AGBL4: variants seen among roughly 807,000 people sequenced by gnomAD.
AGBL4 encodes the protein AGBL carboxypeptidase 4.
Under a neutral mutation model 66.4 loss-of-function variants are expected in AGBL4, and 58 were observed. That is an observed-to-expected ratio of 0.87 (90% CI 0.71 to 1.09). AGBL4 has a LOEUF of 1.09. AGBL4 is among the 50% of genes least tolerant of loss of function. AGBL4 has a pLI of 0.00. For synonymous variants in AGBL4, 234 were observed against 222.9 expected (o/e 1.05, Z -0.44); for missense variants, 579 against 631.0 (o/e 0.92, Z 0.88).
chr1:48,886,969 CA>C (rs35138053), intron 5 of AGBL4, among the ~76,000 whole-genome samples: 1 of 152,060 alleles, frequency 6.6e-6, no homozygotes, highest in East Asian at 1.9e-4. Flanking sequence ...TGTGAGAAGC[CA>C]AAAGGGTGCT....
At chr1:49,618,545 G>A (rs1645295344) in intron 3 of AGBL4, among the ~76,000 whole-genome samples, 1 of 152,182 alleles carries the variant, frequency 6.6e-6, no homozygotes, top group South Asian at 2.1e-4. Context: ...GGTACAAAGA[G>A]GAGGTGGTAC....
intron 6 of AGBL4, among the ~76,000 whole-genome samples, chr1:48,806,215 C>T (rs1447016886): frequency 6.6e-6 from 1 of 152,110 alleles, no homozygotes; most frequent in East Asian, 1.9e-4. Context: ...AATGCAAATC[C>T]TTGGACTCTT....
intron 3 of AGBL4, among the ~76,000 whole-genome samples, chr1:49,413,334 T>C (rs1645355827): frequency 6.6e-6 from 1 of 152,210 alleles, no homozygotes; most frequent in African/African-American, 2.4e-5. Flanking sequence ...GGTGTGACCT[T>C]GACCTCAAGG....
chr1:49,481,984 C>G (rs542121134), intron 3 of AGBL4, among the ~76,000 whole-genome samples: 2 of 150,030 alleles, frequency 1.3e-5, no homozygotes, highest in Admixed American at 1.3e-4. Flanking sequence ...CCTACTAGAT[C>G]GTGATGGATA....
chr1:48,944,434 G>T (rs1460056667), intron 5 of AGBL4, among the ~76,000 whole-genome samples: 1 of 152,132 alleles, frequency 6.6e-6, no homozygotes, highest in Non-Finnish European at 1.5e-5. Context: ...GAAGTGTTCA[G>T]ATTCTACTTC....
At chr1:49,737,709 GTA>G (rs1650016399) in intron 2 of AGBL4, among the ~76,000 whole-genome samples, 1 of 152,184 alleles carries the variant, frequency 6.6e-6, no homozygotes, top group Admixed American at 6.5e-5. Context: ...CAAAATCCTA[GTA>G]ATTCCTTATC....
chr1:49,155,304 GC>G (rs1646409753), intron 4 of AGBL4, among the ~76,000 whole-genome samples: 1 of 152,104 alleles, frequency 6.6e-6, no homozygotes, highest in South Asian at 2.1e-4. Flanking sequence ...TAAAACCCAA[GC>G]TCTTTCCTCT....
chr1:49,939,305 C>T (rs1417384069), intron 1 of AGBL4, among the ~76,000 whole-genome samples: 6 of 151,326 alleles, frequency 4.0e-5, no homozygotes, highest in Non-Finnish European at 8.9e-5. Context: ...TCAATGCCAT[C>T]CCCATCAAGC....
chr1:49,918,810 T>C (rs1042316248), intron 1 of AGBL4, among the ~76,000 whole-genome samples: 1 of 152,202 alleles, frequency 6.6e-6, no homozygotes, highest in African/African-American at 2.4e-5. Flanking sequence ...ATATCCTTGA[T>C]GAACATCGAT....
intron 11 of AGBL4, among the ~76,000 whole-genome samples, chr1:48,553,651 CTG>C: frequency 6.6e-6 from 1 of 152,192 alleles, no homozygotes; most frequent in East Asian, 1.9e-4. Flanking sequence ...TACTGACAAA[CTG>C]TGTAAATTTT....
At chr1:49,077,341 T>C (rs2147948518) in intron 4 of AGBL4, among the ~76,000 whole-genome samples, 1 of 152,308 alleles carries the variant, frequency 6.6e-6, no homozygotes, top group East Asian at 1.9e-4. Context: ...CTGATTTAAA[T>C]AACCAAAGAT....
chr1:49,974,897 T>C (rs1658431738), intron 1 of AGBL4, among the ~76,000 whole-genome samples: 1 of 152,152 alleles, frequency 6.6e-6, no homozygotes, highest in Non-Finnish European at 1.5e-5. Flanking sequence ...AAGAATGAAA[T>C]TCACAAAACC....
At chr1:49,681,646 A>G (rs1646695291) in intron 3 of AGBL4, among the ~76,000 whole-genome samples, 1 of 152,168 alleles carries the variant, frequency 6.6e-6, no homozygotes, top group Admixed American at 6.5e-5. Flanking sequence ...TACTAGGAAA[A>G]CTAGGGAAAA....
intron 6 of AGBL4, among the ~76,000 whole-genome samples, chr1:48,789,504 T>C (rs546110803): frequency 2.1e-3 from 319 of 152,208 alleles, no homozygotes; most frequent in Non-Finnish European, 3.3e-3. Flanking sequence ...TTAGCCAGGA[T>C]GGTCTTGATC....
At chr1:49,811,410 G>C (rs1301879605) in intron 2 of AGBL4, among the ~76,000 whole-genome samples, 1 of 152,052 alleles carries the variant, frequency 6.6e-6, no homozygotes, top group Non-Finnish European at 1.5e-5. Flanking sequence ...TTCTATGAAA[G>C]AGAATGGCTT....
Position 49,961,440 on chromosome 1 carries a change from G to A in AGBL4, c.34+62323C>T, listed in dbSNP as rs1377742622. Among the ~76,000 whole-genome samples, 5 of 152,066 alleles carry A rather than the reference G, an allele frequency of 3.3e-5. No individual in the cohort carries two copies. In the East Asian group the frequency reaches 7.7e-4, roughly 24 times the overall value. On this transcript the variant is annotated intron_variant, in intron 1 of 13. Transcript: ENST00000371839. The stretch of plus-strand genomic sequence containing the variant: ...CATCACTTTGAGCCCAGGATTTAGA[G>A]GCTGCAGTAAGCTATGATCATGCCA...
chr1:49,914,623 C>A (rs1433886244), intron 1 of AGBL4, among the ~76,000 whole-genome samples: 1 of 152,156 alleles, frequency 6.6e-6, no homozygotes, highest in African/African-American at 2.4e-5. Context: ...TTCTTTGAGC[C>A]TCTATCTATT....
intron 2 of AGBL4, among the ~76,000 whole-genome samples, chr1:49,776,143 G>A (rs1644191101): frequency 6.6e-6 from 1 of 152,054 alleles, no homozygotes; most frequent in Non-Finnish European, 1.5e-5. Flanking sequence ...TCTGGTGGAA[G>A]CTTAGAAAAA....
At chr1:48,896,192 C>A (rs1423514884) in intron 5 of AGBL4, among the ~76,000 whole-genome samples, 1 of 152,172 alleles carries the variant, frequency 6.6e-6, no homozygotes, top group Non-Finnish European at 1.5e-5. Flanking sequence ...AAATCATATT[C>A]CACACAGGTA....
Sources: allele counts gnomAD v4.1 joint callset (sites outside exome capture counted in the v4.1 genomes callset), GRCh38; gene constraint gnomAD v4.1.1; transcripts MANE v1.5; gene names NCBI Gene and HGNC (gene_info 2026-07-23, HGNC 2026-07-21).